ADAMTS2: variants seen among roughly 807,000 people sequenced by gnomAD.
ADAMTS2 encodes A disintegrin and metalloproteinase with thrombospondin motifs 2.
A neutral mutation model predicts 123.0 loss-of-function variants in ADAMTS2; 50 were observed. The ratio of observed to expected loss-of-function variants is 0.41; its 90% CI spans 0.32 to 0.51. The LOEUF is 0.51. ADAMTS2 is among the 20% of genes least tolerant of loss of function. The pLI, the probability that ADAMTS2 is intolerant of heterozygous loss-of-function variation, is 0.35. For synonymous variants in ADAMTS2, 678 were observed against 695.4 expected, an observed-to-expected ratio of 0.98 and a Z score of 0.39; for missense variants, 1,494 against 1,705.2, an observed-to-expected ratio of 0.88 and a Z score of 2.18.
intron 2 of ADAMTS2, among the ~76,000 whole-genome samples, chr5:179,276,802 TC>T (rs1181099617): frequency 1.3e-5 from 2 of 152,094 alleles, no homozygotes; most frequent in Non-Finnish European, 2.9e-5. Context: ...TTATGGCAGC[TC>T]CATCTTCTGG....
In ADAMTS2 at chr5:179,207,656, C is replaced by T. The variant is rs143764421; in HGVS notation, c.748G>A (p.Ala250Thr). 6.6e-4 allele frequency: 1,058 copies of T among 1,613,538 alleles called. No homozygotes were observed. Among genetic ancestry groups the T allele is most frequent in the Non-Finnish European group, 6.1e-4 (725 of 1,180,030 alleles). The change falls in exon 4 of 22, where the codon GCC (alanine) becomes ACC (threonine). Residue 250 changes from alanine to threonine, a missense_variant. This residue lies in a region of ADAMTS2 where 184 missense variants were observed against 152.1 expected (regional missense o/e 1.21). Coordinates refer to ENST00000251582, the MANE Select transcript of ADAMTS2 (RefSeq NM_014244.5). ...SRALGVLEEHANSSRRRARRH... is the reference protein window; with the variant it reads ...SRALGVLEEHTNSSRRRARRH... ...CGTGCCCTCCGCCTCGAGCTGTTGG[C>T]GTGCTCCTCTAGGACGCCCAGGGCG... is the stretch of plus-strand genomic sequence containing the variant.
rs994563149 is a variant in ADAMTS2 at position 179,172,516 on chromosome 5, G to A, written c.975+8556C>T. Among the ~76,000 whole-genome samples the A allele has an allele frequency of 2.6e-5, 4 of 152,348 alleles. 1 individual carries two copies. The South Asian group carries it at 6.2e-4, about 24-fold the overall frequency. On this transcript the variant is annotated intron_variant, in intron 5 of 21. Transcript: ENST00000251582. ...AGGGGCGTGGGCTTCTCATGCAGGG[G>A]AGACCACGTACCTATGGCAGCCTGC...
chr5:179,230,001 C>T (rs933432816), intron 3 of ADAMTS2, among the ~76,000 whole-genome samples: 2 of 152,224 alleles, frequency 1.3e-5, no homozygotes, highest in Non-Finnish European at 2.9e-5. Context: ...TGGCACACTG[C>T]ACCAAAGCAC....
chr5:179,256,543 G>A lies in ADAMTS2; in HGVS notation c.688+16368C>T, dbSNP rs1049410697. Among the ~76,000 whole-genome samples the A allele has an allele frequency of 1.4e-5, 2 of 141,018 alleles. No homozygotes were observed. Among genetic ancestry groups the A allele is most frequent in the African/African-American group, 4.9e-5 (2 of 40,680 alleles). 92.5% of individuals were successfully genotyped at this position (141,018 alleles called of 152,430 possible). On this transcript the variant is annotated intron_variant, in intron 3 of 21. Coordinates refer to ENST00000251582, the MANE Select transcript of ADAMTS2 (RefSeq NM_014244.5). The surrounding 1 kb of genome is among the most constrained non-coding windows in gnomAD (Gnocchi z 4.1). ...CTGCGTGTGTGTGAGAGAGAGAGAGGAGAGAGAGACGGAGAGAGTTTATGT... is the reference window on the plus strand; with the variant it reads ...CTGCGTGTGTGTGAGAGAGAGAGAGAAGAGAGAGACGGAGAGAGTTTATGT...
At position 179,242,059 on chromosome 5, in the gene ADAMTS2, T is replaced by C. The variant is rs554348583; in HGVS notation, c.688+30852A>G. Among the ~76,000 whole-genome samples the C allele has an allele frequency of 3.9e-4, 59 of 152,298 alleles. No homozygotes were observed. Among genetic ancestry groups the C allele is most frequent in the South Asian group, 1.2e-3 (6 of 4,812 alleles). ...TTGGTCCAGGGGGTGAACACATGAC[T>C]GGAGTGAGACTAATCATGGGTCTTC... On this transcript the variant is annotated intron_variant, in intron 3 of 21. Coordinates refer to ENST00000251582, the MANE Select transcript of ADAMTS2 (RefSeq NM_014244.5). The surrounding 1 kb of genome is among the most constrained non-coding windows in gnomAD (Gnocchi z 4.2).
chr5:179,187,538 C>T lies in ADAMTS2; in HGVS notation c.892-6383G>A, dbSNP rs1298008878. ...AACAGGAAATGGGCAAAATGTATGA[C>T]CCAGCGTAGGCCTGTGACCCCTCTC... On this transcript the variant is annotated intron_variant, in intron 4 of 21. Coordinates refer to ENST00000251582, the MANE Select transcript of ADAMTS2 (RefSeq NM_014244.5). Among the ~76,000 whole-genome samples the T allele has an allele frequency of 9.9e-5, 15 of 152,186 alleles. 1 individual carries two copies. Among genetic ancestry groups the T allele is most frequent in the Admixed American group, 9.8e-4 (15 of 15,284 alleles).
chr5:179,167,061 G>A (rs1231086640), intron 5 of ADAMTS2, among the ~76,000 whole-genome samples: 2 of 152,224 alleles, frequency 1.3e-5, no homozygotes, highest in Non-Finnish European at 1.5e-5. Context: ...CCCGGCAGAT[G>A]CTGACCCCAG....
intron 5 of ADAMTS2, among the ~76,000 whole-genome samples, chr5:179,166,848 C>G (rs971633451): frequency 6.6e-6 from 1 of 152,248 alleles, no homozygotes; most frequent in Non-Finnish European, 1.5e-5. Flanking sequence ...AGTAGCCCCA[C>G]TCCTCCCTTC....
Position 179,114,351 on chromosome 5 carries a change from C to T in ADAMTS2, c.3179-27G>A, listed in dbSNP as rs781661133. ...TGAAAAAGAAAAGTGGGACAAATAACCAAAGGACAAGATAAGGGGGACTTT... is the reference window on the plus strand; with the variant it reads ...TGAAAAAGAAAAGTGGGACAAATAATCAAAGGACAAGATAAGGGGGACTTT... On this transcript the variant is annotated intron_variant, in intron 21 of 21. Transcript: ENST00000251582. 19 of 1,602,956 alleles carry T rather than the reference C, an allele frequency of 1.2e-5. No individual in the cohort carries two copies. The Admixed American group carries it at 2.7e-4, about 23-fold the overall frequency.
intron 3 of ADAMTS2, among the ~76,000 whole-genome samples, chr5:179,268,199 C>A (rs1766425092): frequency 6.6e-6 from 1 of 152,240 alleles, no homozygotes. Context: ...TCCCTCCTTG[C>A]AGGGCCTCCC....
intron 10 of ADAMTS2, 117 bp from the exon 11 acceptor site, chr5:179,140,152 G>C: frequency 1.3e-6 from 2 of 1,484,594 alleles, no homozygotes; most frequent in African/African-American, 2.8e-5. Flanking sequence ...GGGGCACAGG[G>C]GGAGCTCACC....
chr5:179,125,313 C>T, intron 18 of ADAMTS2, 133 bp from the exon 19 acceptor site: 1 of 750,902 alleles, frequency 1.3e-6, no homozygotes, highest in Non-Finnish European at 2.3e-6. Context: ...CTCCCCGGTG[C>T]ACCTTCTCTT....
chr5:179,319,024 C>T (rs866405784), intron 2 of ADAMTS2, among the ~76,000 whole-genome samples: 3 of 152,220 alleles, frequency 2.0e-5, no homozygotes, highest in Non-Finnish European at 4.4e-5. Flanking sequence ...CCTGTTATGA[C>T]TGAGGGTTCC....
intron 3 of ADAMTS2, among the ~76,000 whole-genome samples, chr5:179,212,938 G>A (rs77052912): frequency 0.022 from 3,392 of 152,152 alleles, 109 homozygotes; most frequent in African/African-American, 0.073. Context: ...TGCTGCTGCC[G>A]CTGTGCTGGC....
intron 3 of ADAMTS2, among the ~76,000 whole-genome samples, chr5:179,209,510 GCACACACACATGCACA>G (rs996759691): frequency 1.9e-4 from 26 of 137,986 alleles, no homozygotes; most frequent in Non-Finnish European, 3.0e-4. Flanking sequence ...TCCCCTCGGC[GCACACACACATGCACA>G]CACACACACA....
At chr5:179,187,282 C>T (rs1299673303) in intron 4 of ADAMTS2, among the ~76,000 whole-genome samples, 1 of 152,232 alleles carries the variant, frequency 6.6e-6, no homozygotes, top group South Asian at 2.1e-4. Context: ...CAGTTCCTGG[C>T]GTGACCTCCA....
In ADAMTS2 at chr5:179,345,258, GGCAGCAGCAGCAGCA is replaced by G; in HGVS notation, c.56_70del (p.Leu19_Leu23del). On this transcript the variant is annotated inframe_deletion, in exon 1 of 22. Coordinates refer to ENST00000251582, the MANE Select transcript of ADAMTS2 (RefSeq NM_014244.5). The surrounding 1 kb of genome is among the most constrained non-coding windows in gnomAD (Gnocchi z 7.5). ...CGGCGGCGGCGGCAGGAGCGGCGGC[GGCAGCAGCAGCAGCA>G]GCAGCAGCAGCGCGGGGCAGAGCAG... 8.8e-7 allele frequency: 1 copy of G among 1,136,326 alleles called. No homozygotes were observed. Among genetic ancestry groups the G allele is most frequent in the Non-Finnish European group, 1.1e-6 (1 of 932,210 alleles). 70.4% of individuals were successfully genotyped at this position (1,136,326 alleles called of 1,614,324 possible).
chr5:179,333,580 G>A (rs1273521654), intron 2 of ADAMTS2, among the ~76,000 whole-genome samples: 2 of 147,990 alleles, frequency 1.4e-5, no homozygotes, highest in Non-Finnish European at 3.0e-5. Context: ...ACAAGCCACA[G>A]ATTTGGTTTT....
At chr5:179,159,669 C>T (rs148025975) in intron 5 of ADAMTS2, among the ~76,000 whole-genome samples, 2 of 152,296 alleles carry the variant, frequency 1.3e-5, no homozygotes, top group African/African-American at 2.4e-5. Flanking sequence ...TGCACCATGA[C>T]ATCAGCAGGC....
Sources: allele counts gnomAD v4.1 joint callset (sites outside exome capture counted in the v4.1 genomes callset), GRCh38; gene constraint gnomAD v4.1.1; regional missense constraint gnomAD v4.1.1; non-coding constraint Gnocchi (gnomAD v3.1); transcripts MANE v1.5; gene names NCBI Gene and HGNC (gene_info 2026-07-23, HGNC 2026-07-21).